The following PARL variants were observed in gnomAD, a reference collection of about 807,000 sequenced individuals.
The protein encoded by PARL is presenilin associated rhomboid like, also known as presenilin-associated rhomboid-like protein, mitochondrial.
A neutral mutation model predicts 51.6 loss-of-function variants in PARL; 44 were observed. That is an observed-to-expected ratio of 0.85 (90% CI 0.67 to 1.10). PARL has a LOEUF of 1.10. Ranked by LOEUF, PARL falls within the 50% of genes least tolerant of loss-of-function variation. The probability of loss-of-function intolerance (pLI) is 0.00; values close to 1 mark genes in which losing one functional copy is unlikely to be tolerated. For missense variants in PARL, 441 were observed against 469.5 expected (o/e 0.94, Z 0.56); for synonymous variants, 172 against 164.0 (o/e 1.05, Z -0.37).
chr3:183,870,559 C>T (rs936444566), intron 1 of PARL, among the ~76,000 whole-genome samples: 5 of 152,110 alleles, frequency 3.3e-5, no homozygotes, highest in Non-Finnish European at 7.3e-5. Flanking sequence ...CTCATCCCTT[C>T]TGGCCTGGAA....
chr3:183,873,258 C>A (rs1733418215), intron 1 of PARL, among the ~76,000 whole-genome samples: 1 of 152,172 alleles, frequency 6.6e-6, no homozygotes, highest in African/African-American at 2.4e-5. Context: ...GTAATCCCAG[C>A]ACTTTGGGAG....
intron 9 of PARL, among the ~76,000 whole-genome samples, chr3:183,830,041 C>CTAA (rs1453737531): frequency 6.6e-6 from 1 of 152,162 alleles, no homozygotes; most frequent in African/African-American, 2.4e-5. Flanking sequence ...GTCCAAGGTG[C>CTAA]TAATAGTTTC....
chr3:183,858,155 A>G (rs1285647427), intron 4 of PARL, among the ~76,000 whole-genome samples: 2 of 152,228 alleles, frequency 1.3e-5, no homozygotes, highest in African/African-American at 2.4e-5. Flanking sequence ...TTGTTTGCAG[A>G]CTGGGAAGTC....
chr3:183,832,501 G>T (rs1728064652), intron 9 of PARL, among the ~76,000 whole-genome samples: 1 of 152,056 alleles, frequency 6.6e-6, no homozygotes, highest in African/African-American at 2.4e-5. Flanking sequence ...TTACAGGCGT[G>T]AGCCACTGCA....
intron 7 of PARL, among the ~76,000 whole-genome samples, chr3:183,835,470 T>C (rs1728465644): frequency 6.6e-6 from 1 of 152,188 alleles, no homozygotes; most frequent in Non-Finnish European, 1.5e-5. Flanking sequence ...GGTTGCATTC[T>C]TAGAAGTCAG....
chr3:183,859,603 T>C (rs751490257), intron 4 of PARL, among the ~76,000 whole-genome samples: 7 of 152,128 alleles, frequency 4.6e-5, no homozygotes, highest in Non-Finnish European at 7.4e-5. Flanking sequence ...GCTCCCAAAG[T>C]GCTGGGATTA....
intron 3 of PARL, among the ~76,000 whole-genome samples, chr3:183,864,936 G>A (rs1432328186): frequency 1.8e-4 from 23 of 130,970 alleles, no homozygotes; most frequent in African/African-American, 5.0e-4. Flanking sequence ...ATTTCATCTC[G>A]AGCACAGTTT....
chr3:183,828,791 CA>C (rs1290149229), downstream of PARL, among the ~76,000 whole-genome samples: 12 of 152,162 alleles, frequency 7.9e-5, no homozygotes, highest in Non-Finnish European at 1.5e-4. Flanking sequence ...TTGAAGCCAT[CA>C]AAAGACTAAA....
At chr3:183,863,147 G>A (rs577827518) in intron 3 of PARL, among the ~76,000 whole-genome samples, 2 of 152,256 alleles carry the variant, frequency 1.3e-5, no homozygotes, top group South Asian at 4.1e-4. Context: ...CACAGATACA[G>A]ACAGGTACCA....
chr3:183,862,072 G>A (rs1259136084), intron 4 of PARL, among the ~76,000 whole-genome samples: 3 of 152,090 alleles, frequency 2.0e-5, no homozygotes, highest in Admixed American at 6.5e-5. Flanking sequence ...ACTCTTCCTG[G>A]CAAAAATCTA....
intron 7 of PARL, among the ~76,000 whole-genome samples, chr3:183,837,274 T>C (rs1020071406): frequency 6.6e-6 from 1 of 151,150 alleles, no homozygotes; most frequent in African/African-American, 2.5e-5. Context: ...TGGTGGTGAG[T>C]TCCCTGGGCT....
rs993174364 is a variant in PARL, at chr3:183,829,452, C to G, written c.*146G>C. The G allele has an allele frequency of 4.4e-6, 7 of 1,593,224 alleles. No homozygotes were observed. The South Asian group carries it at 5.6e-5, about 13-fold the overall frequency. On this transcript the variant is annotated 3_prime_UTR_variant, in exon 10 of 10. Transcript: ENST00000317096. ...TCATCATTCACATTCTAAAAAGACA[C>G]GGACTGGGGGACACAGCTGAAAACA...
chr3:183,880,471 G>A (rs1156609533), intron 1 of PARL, among the ~76,000 whole-genome samples: 1 of 151,760 alleles, frequency 6.6e-6, no homozygotes, highest in Non-Finnish European at 1.5e-5. Context: ...CCGTGATCTC[G>A]GCTCACTGCA....
At chr3:183,883,506 G>C (rs1411499127) in intron 1 of PARL, 1 of 637,362 alleles carries the variant, frequency 1.6e-6, no homozygotes, top group Non-Finnish European at 2.0e-6. Flanking sequence ...CTAACTTCAG[G>C]TGATCCACCT....
At chr3:183,833,916 G>T in intron 7 of PARL, 91 bp from the exon 8 acceptor site, 1 of 834,232 alleles carries the variant, frequency 1.2e-6, no homozygotes. Flanking sequence ...TTTCTAGAAA[G>T]TTTACATGCT....
intron 4 of PARL, among the ~76,000 whole-genome samples, chr3:183,848,287 G>A (rs909389816): frequency 2.0e-5 from 3 of 152,130 alleles, no homozygotes; most frequent in African/African-American, 7.2e-5. Flanking sequence ...TGTCTCCCAG[G>A]CTGGAGTGCA....
At chr3:183,866,883 T>C in intron 2 of PARL, 118 bp from the exon 3 acceptor site, 1 of 766,890 alleles carries the variant, frequency 1.3e-6, no homozygotes, top group Non-Finnish European at 2.2e-6. Context: ...AGGGAATACT[T>C]GGCACAGTGA....
intron 1 of PARL, among the ~76,000 whole-genome samples, chr3:183,870,966 T>C (rs919439719): frequency 1.1e-4 from 17 of 152,160 alleles, no homozygotes; most frequent in African/African-American, 4.1e-4. Context: ...CTTCTCTCCT[T>C]TGCACTTCTA....
chr3:183,867,516 A>T (rs947121043), intron 2 of PARL, among the ~76,000 whole-genome samples: 3 of 152,002 alleles, frequency 2.0e-5, no homozygotes, highest in Non-Finnish European at 2.9e-5. Flanking sequence ...CTGGCTAACA[A>T]GGTGAAACCC....
Sources: allele counts gnomAD v4.1 joint callset (sites outside exome capture counted in the v4.1 genomes callset), GRCh38; gene constraint gnomAD v4.1.1; transcripts MANE v1.5; gene names NCBI Gene and HGNC (gene_info 2026-07-23, HGNC 2026-07-21).